Variants in CDC14B observed in about 807,000 individuals in gnomAD.
The protein encoded by CDC14B is dual specificity protein phosphatase CDC14B.
CDC14B carries 22 observed loss-of-function variants against 64.2 expected under a neutral mutation model. The observed-to-expected ratio is 0.34, with a 90% confidence interval of 0.24 to 0.49. CDC14B has a LOEUF of 0.49. CDC14B is among the 20% of genes least tolerant of loss of function. The probability of loss-of-function intolerance (pLI) is 0.99; values close to 1 mark genes in which losing one functional copy is unlikely to be tolerated. For missense variants in CDC14B, 498 were observed against 629.9 expected (o/e 0.79, Z 2.24); for synonymous variants, 191 against 215.8 (o/e 0.89, Z 1.01).
At chr9:96,524,586 G>A (rs977932206) in intron 9 of CDC14B, among the ~76,000 whole-genome samples, 5 of 151,992 alleles carry the variant, frequency 3.3e-5, no homozygotes, top group Admixed American at 1.3e-4. Flanking sequence ...GTGTCAATCC[G>A]GAATGAATCT....
intron 7 of CDC14B, among the ~76,000 whole-genome samples, chr9:96,535,584 C>G (rs7867254): frequency 0.11 from 17,489 of 152,120 alleles, 3,327 homozygotes; most frequent in African/African-American, 0.4. Flanking sequence ...CTTGATAGTG[C>G]AGAAGGAGAG....
intron 1 of CDC14B, among the ~76,000 whole-genome samples, chr9:96,606,936 T>C (rs1442813085): frequency 6.6e-6 from 1 of 151,832 alleles, no homozygotes; most frequent in African/African-American, 2.4e-5. Flanking sequence ...CTCAGGAAGC[T>C]GAGGTGGGAG....
At chr9:96,521,616 A>G in intron 12 of CDC14B, among the ~76,000 whole-genome samples, 1 of 152,198 alleles carries the variant, frequency 6.6e-6, no homozygotes, top group East Asian at 1.9e-4. Flanking sequence ...ACGAGACACT[A>G]GTGAGGAATT....
intron 5 of CDC14B, among the ~76,000 whole-genome samples, chr9:96,550,585 T>C (rs1841654332): frequency 6.6e-6 from 1 of 152,204 alleles, no homozygotes. Context: ...ACTAATTAGT[T>C]TGAACAATGA....
At chr9:96,614,218 C>T (rs111751899) in intron 1 of CDC14B, among the ~76,000 whole-genome samples, 1 of 151,826 alleles carries the variant, frequency 6.6e-6, no homozygotes, top group African/African-American at 2.4e-5. Context: ...ATATTCTTTA[C>T]TAATCAGAAT....
At chr9:96,598,884 T>C (rs1846251730) in intron 1 of CDC14B, among the ~76,000 whole-genome samples, 1 of 152,206 alleles carries the variant, frequency 6.6e-6, no homozygotes, top group African/African-American at 2.4e-5. Context: ...CTTAAAGATC[T>C]TTTGTATATT....
In CDC14B at chr9:96,534,031, T is replaced by C. The variant is rs1047413892; in HGVS notation, c.842A>G (p.His281Arg). ...GCTGCCATCCGCAAAGAAAAGATCA[T>C]GGTGATCGAAGCCAGCATCCGTAAA... ...KRFTDAGFDH[H>R]DLFFADGSTP... Residue 281 changes from histidine (H) to arginine (R), a missense_variant, in exon 9 of 14, where the codon CAT (histidine) becomes CGT (arginine). Physicochemically the swap from His to Arg is conservative, Grantham distance 29. Coordinates refer to ENST00000375241, the MANE Select transcript of CDC14B (RefSeq NM_033331.4). 4 of 1,613,336 alleles carry C rather than the reference T, an allele frequency of 2.5e-6. No homozygotes were observed. Among genetic ancestry groups the C allele is most frequent in the Non-Finnish European group, 3.4e-6 (4 of 1,179,554 alleles).
At chr9:96,512,845 CT>C (rs75737532) in intron 12 of CDC14B, among the ~76,000 whole-genome samples, 75 of 147,232 alleles carry the variant, frequency 5.1e-4, no homozygotes, top group Admixed American at 6.8e-4. Flanking sequence ...CTCCTGTTGG[CT>C]TTTTTTTTTT....
chr9:96,596,295 G>C (rs1846068460), intron 1 of CDC14B, among the ~76,000 whole-genome samples: 1 of 149,932 alleles, frequency 6.7e-6, no homozygotes, highest in Non-Finnish European at 1.5e-5. Flanking sequence ...CCGGGAGGCA[G>C]AGGTCATAGT....
chr9:96,561,680 G>A (rs1265039507), intron 4 of CDC14B, among the ~76,000 whole-genome samples: 1 of 151,582 alleles, frequency 6.6e-6, no homozygotes, highest in Non-Finnish European at 1.5e-5. Context: ...GTAGAGACAG[G>A]GTTTCACCAT....
chr9:96,511,449 T>C (rs567210916), intron 12 of CDC14B, among the ~76,000 whole-genome samples: 2 of 152,288 alleles, frequency 1.3e-5, no homozygotes, highest in Admixed American at 1.3e-4. Context: ...CAGGTGCCTA[T>C]AATCCCAACT....
At chr9:96,523,766 T>TG in intron 9 of CDC14B, 41 bp from the exon 10 acceptor site, 1 of 1,597,130 alleles carries the variant, frequency 6.3e-7, no homozygotes, top group Non-Finnish European at 8.6e-7. Context: ...CTTGGGCTGA[T>TG]GTACTCCAGG....
chr9:96,495,423 C>G (rs1442916345), downstream of CDC14B, among the ~76,000 whole-genome samples: 2 of 130,330 alleles, frequency 1.5e-5, no homozygotes, highest in African/African-American at 5.5e-5. Flanking sequence ...TGCCCAGGAA[C>G]TTGGCTCACA....
intron 12 of CDC14B, among the ~76,000 whole-genome samples, chr9:96,516,556 T>A (rs566391639): frequency 6.6e-6 from 1 of 152,274 alleles, no homozygotes; most frequent in South Asian, 2.1e-4. Flanking sequence ...TTTGGCTCAC[T>A]GCAACCTCCG....
intron 4 of CDC14B, among the ~76,000 whole-genome samples, chr9:96,561,704 G>C (rs1343000748): frequency 1.3e-5 from 2 of 151,232 alleles, no homozygotes; most frequent in African/African-American, 4.9e-5. Context: ...AACCAGGATG[G>C]TCTCGATCTC....
intron 5 of CDC14B, among the ~76,000 whole-genome samples, chr9:96,546,118 C>T (rs1473141901): frequency 2.0e-5 from 3 of 152,144 alleles, no homozygotes; most frequent in African/African-American, 7.2e-5. Context: ...CGTAACAGCT[C>T]GTATTCACCA....
chr9:96,539,156 A>G lies in CDC14B; in HGVS notation c.565-16T>C, dbSNP rs376858427. On this transcript the variant is annotated splice_polypyrimidine_tract_variant and intron_variant, in intron 6 of 13. Transcript: ENST00000375241. ...ACTGCATTGCCTAAAATCCAAAAGA[A>G]AGCTTTTAAGAACAAGGATGCAAAT... 7 of 1,566,618 alleles carry G rather than the reference A, an allele frequency of 4.5e-6. No homozygotes were observed. The highest frequency in any genetic ancestry group is 1.4e-5 in the African/African-American group (1 of 73,876).
intron 1 of CDC14B, among the ~76,000 whole-genome samples, chr9:96,578,492 T>C (rs1844938601): frequency 6.6e-6 from 1 of 152,232 alleles, no homozygotes; most frequent in Non-Finnish European, 1.5e-5. Flanking sequence ...GGATTTCATG[T>C]ACCTCTGACA....
At chr9:96,497,740 C>A (rs185101922), downstream of CDC14B, among the ~76,000 whole-genome samples, 1 of 152,274 alleles carries the variant, frequency 6.6e-6, no homozygotes, top group East Asian at 1.9e-4. Flanking sequence ...TTGTTCTCAG[C>A]TATGAAAAAT....
Sources: gnomAD v4.1 joint callset for allele counts (sites outside exome capture counted in the v4.1 genomes callset) on GRCh38, gnomAD v4.1.1 for gene constraint, MANE v1.5 for transcripts, NCBI Gene and HGNC (gene_info 2026-07-23, HGNC 2026-07-21) for gene names.